KDM2B: variants seen among roughly 807,000 people sequenced by gnomAD.
The protein encoded by KDM2B is lysine demethylase 2B.
Under a neutral mutation model 150.0 loss-of-function variants are expected in KDM2B, and 26 were observed. The observed-to-expected ratio is 0.17, with a 90% CI of 0.13 to 0.24. KDM2B has a LOEUF of 0.24. KDM2B is among the 10% of genes least tolerant of loss of function. The pLI, the probability that KDM2B is intolerant of heterozygous loss-of-function variation, is 1.00. For missense variants in KDM2B, 1,265 were observed against 1,816.9 expected, an observed-to-expected ratio of 0.70 and a Z score of 5.52; for synonymous variants, 734 against 729.5, an observed-to-expected ratio of 1.01 and a Z score of -0.10.
intron 2 of KDM2B, among the ~76,000 whole-genome samples, chr12:121,577,718 T>C (rs1891599430): frequency 6.6e-6 from 1 of 152,072 alleles, no homozygotes; most frequent in Admixed American, 6.6e-5. Context: ...AGAAACTTTG[T>C]AACTTAAAGG....
At chr12:121,564,382 CG>C (rs1442242935) in intron 4 of KDM2B, among the ~76,000 whole-genome samples, 3 of 151,880 alleles carry the variant, frequency 2.0e-5, no homozygotes, top group Non-Finnish European at 4.4e-5. Context: ...GGCGTGAACC[CG>C]GGAGGCGGAG....
chr12:121,453,925 G>A lies in KDM2B; in HGVS notation c.1735-581C>T, dbSNP rs374355656. ...CTTCCATGGCTGCACCCACAGGCTC[G>A]GACCCTGCCCACCTTTCCCACCTCC... On this transcript the variant is annotated intron_variant, in intron 12 of 22. Coordinates refer to ENST00000377071, the MANE Select transcript of KDM2B (RefSeq NM_032590.5). This position sits in a 1 kb window ranked among gnomAD's most constrained non-coding sequence, Gnocchi z 6.4. Among the ~76,000 whole-genome samples, 171 of 152,224 alleles carry A rather than the reference G, an allele frequency of 1.1e-3. No individual in the cohort carries two copies. The highest frequency in any genetic ancestry group is 0.011 in the South Asian group (54 of 4,826).
chr12:121,517,805 A>G (rs1038372536), intron 9 of KDM2B, among the ~76,000 whole-genome samples: 1 of 151,304 alleles, frequency 6.6e-6, no homozygotes, highest in Non-Finnish European at 1.5e-5. Flanking sequence ...AAGCCACACC[A>G]TGGAGCTTGG....
chr12:121,562,390 A>G (rs1478964493), intron 4 of KDM2B, among the ~76,000 whole-genome samples: 10 of 152,112 alleles, frequency 6.6e-5, no homozygotes, highest in Admixed American at 6.6e-4. Flanking sequence ...AGGCTGAGCC[A>G]GGAGAATCAT....
At chr12:121,545,163 G>A (rs1555310501) in intron 6 of KDM2B, among the ~76,000 whole-genome samples, 2 of 152,130 alleles carry the variant, frequency 1.3e-5, no homozygotes, top group Non-Finnish European at 2.9e-5. Context: ...CTTCATCAGG[G>A]TGGGATTTTT....
intron 4 of KDM2B, among the ~76,000 whole-genome samples, chr12:121,572,734 G>A (rs976913453): frequency 1.3e-5 from 2 of 151,684 alleles, no homozygotes; most frequent in Admixed American, 6.6e-5. Flanking sequence ...CATGGCCTGC[G>A]GGCGTGAACT....
In KDM2B at chr12:121,513,502, C is replaced by A; in HGVS notation, c.1048-100G>T. The A allele has an allele frequency of 7.5e-7, 1 of 1,330,894 alleles. No homozygotes were observed. Among genetic ancestry groups the A allele is most frequent in the Non-Finnish European group, 1.1e-6 (1 of 944,222 alleles). 82.4% of individuals were successfully genotyped at this position (1,330,894 alleles called of 1,614,324 possible). On this transcript the variant is annotated intron_variant, in intron 9 of 22. Transcript: ENST00000377071. This position sits in a 1 kb window ranked among gnomAD's most constrained non-coding sequence, Gnocchi z 5.0. ...GCAGGCTCCCTGCAGGTGAGGGTCACTGTCATCATCTTAGCGAGAGCATGG... is the reference window on the plus strand; with the variant it reads ...GCAGGCTCCCTGCAGGTGAGGGTCAATGTCATCATCTTAGCGAGAGCATGG...
At chr12:121,441,330 G>A (rs1347711744) in intron 19 of KDM2B, 97 bp from the exon 20 acceptor site, 2 of 1,253,650 alleles carry the variant, frequency 1.6e-6, no homozygotes, top group South Asian at 1.4e-5. Flanking sequence ...CAACCTCTGG[G>A]AGGCTCCTTA....
At chr12:121,475,410 T>G (rs1287241753) in intron 12 of KDM2B, among the ~76,000 whole-genome samples, 1 of 145,482 alleles carries the variant, frequency 6.9e-6, no homozygotes, top group Non-Finnish European at 1.5e-5. Context: ...GGCAACACAC[T>G]GAGACCCTGT....
chr12:121,499,285 T>A (rs1884284467), intron 11 of KDM2B, among the ~76,000 whole-genome samples: 1 of 150,178 alleles, frequency 6.7e-6, no homozygotes, highest in South Asian at 2.1e-4. Flanking sequence ...AATTTTTGTA[T>A]CTTTTTTTTT....
rs782307801 is a variant in KDM2B at position 121,509,663 on chromosome 12, C to T, written c.1551G>A (p.Leu517=). ...ATTCCAGTTTCTCCACCAGAGCTTT[C>T]AGGCCCTTCAGTTCAAACTCAGTGA... ...THLTEFELKG[L]KALVEKLESL... is the part of the protein sequence containing the mutation. The change falls in exon 11 of 23, where the codon CTG becomes CTA. Residue 517 remains leucine, a synonymous_variant. Transcript: ENST00000377071. 4 of 1,614,078 alleles carry T rather than the reference C, an allele frequency of 2.5e-6. No homozygotes were observed. The highest frequency in any genetic ancestry group is 1.7e-5 in the Admixed American group (1 of 60,022).
intron 11 of KDM2B, among the ~76,000 whole-genome samples, chr12:121,501,269 C>T (rs1317852057): frequency 4.6e-5 from 7 of 152,060 alleles, no homozygotes; most frequent in African/African-American, 7.2e-5. Context: ...ATCCCAGCTA[C>T]TTGGGAGGCT....
At chr12:121,431,644 C>T (rs1049153148) in intron 22 of KDM2B, among the ~76,000 whole-genome samples, 4 of 152,086 alleles carry the variant, frequency 2.6e-5, no homozygotes, top group Non-Finnish European at 4.4e-5. Flanking sequence ...GCACCACATA[C>T]GCCACCAAAC....
chr12:121,492,883 T>C (rs1883508151), intron 12 of KDM2B, among the ~76,000 whole-genome samples: 2 of 151,516 alleles, frequency 1.3e-5, no homozygotes, highest in African/African-American at 4.8e-5. Flanking sequence ...TGTTACAGCA[T>C]ACTTTTTTCT....
chr12:121,433,756 G>A (rs1873460532), intron 22 of KDM2B, among the ~76,000 whole-genome samples: 1 of 152,108 alleles, frequency 6.6e-6, no homozygotes, highest in Non-Finnish European at 1.5e-5. Flanking sequence ...GCTCCAAGTT[G>A]TCCAAACAAT....
intron 12 of KDM2B, among the ~76,000 whole-genome samples, chr12:121,473,291 C>T (rs1880965382): frequency 6.6e-6 from 1 of 151,232 alleles, no homozygotes; most frequent in Non-Finnish European, 1.5e-5. Flanking sequence ...ACTTGGGAGG[C>T]TGAGGCAGTA....
rs540605153 is a variant in KDM2B at position 121,464,027 on chromosome 12, C to T, written c.1735-10683G>A. On this transcript the variant is annotated intron_variant, in intron 12 of 22. Transcript: ENST00000377071. ...ATCATTGAGGCCAGAAGTTCAAGAC[C>T]AGCCTGGGCAACATATCAAGACCCC... 2.0e-5 allele frequency among the ~76,000 whole-genome samples: 3 copies of T among 151,956 alleles called. No homozygotes were observed. The South Asian group carries it at 6.2e-4, about 32-fold the overall frequency.
chr12:121,443,169 A>T lies in KDM2B; in HGVS notation c.2566-139T>A, dbSNP rs569580216. 5.2e-6 allele frequency: 4 copies of T among 765,828 alleles called. No individual in the cohort carries two copies. The Admixed American group carries it at 7.5e-5, about 14-fold the overall frequency. 47.4% of individuals were successfully genotyped at this position (765,828 alleles called of 1,614,324 possible). On this transcript the variant is annotated intron_variant, in intron 17 of 22. Coordinates refer to ENST00000377071, the MANE Select transcript of KDM2B (RefSeq NM_032590.5). ...GGCCTTCCCCACAAATGCCATCTCCACGTCTGACCGACAGACGGGCGAGCC... is the reference window on the plus strand; with the variant it reads ...GGCCTTCCCCACAAATGCCATCTCCTCGTCTGACCGACAGACGGGCGAGCC...
At chr12:121,488,408 A>G (rs1883001962) in intron 12 of KDM2B, among the ~76,000 whole-genome samples, 1 of 152,122 alleles carries the variant, frequency 6.6e-6, no homozygotes, top group Non-Finnish European at 1.5e-5. Context: ...CTCTAAAGGC[A>G]TTTTACAGAC....
Sources: gnomAD v4.1 joint callset for allele counts (sites outside exome capture counted in the v4.1 genomes callset) on GRCh38, gnomAD v4.1.1 for gene constraint, Gnocchi (gnomAD v3.1) non-coding constraint, MANE v1.5 for transcripts, NCBI Gene and HGNC (gene_info 2026-07-23, HGNC 2026-07-21) for gene names.